Variants in PTK2 observed in about 807,000 individuals in gnomAD.
The protein encoded by PTK2 is protein tyrosine kinase 2, also known as focal adhesion kinase 1.
Under a neutral mutation model 150.1 loss-of-function variants are expected in PTK2, and 45 were observed. The ratio of observed to expected loss-of-function variants is 0.30; its 90% CI spans 0.24 to 0.38. The LOEUF (loss-of-function observed/expected upper bound fraction) is 0.38. PTK2 is among the 10% of genes least tolerant of loss of function. The pLI, the probability that PTK2 is intolerant of heterozygous loss-of-function variation, is 1.00. For synonymous variants in PTK2, 432 were observed against 449.2 expected, an observed-to-expected ratio of 0.96 and a Z score of 0.48; for missense variants, 919 against 1,307.3, an observed-to-expected ratio of 0.70 and a Z score of 4.58.
At chr8:140,868,517 A>T (rs1255564852) in intron 4 of PTK2, among the ~76,000 whole-genome samples, 4 of 152,156 alleles carry the variant, frequency 2.6e-5, no homozygotes, top group Admixed American at 2.6e-4. Context: ...TTAATTATAA[A>T]GGGGAAACAG....
In PTK2 at chr8:140,786,257, C is replaced by T. The variant is rs536775925; in HGVS notation, c.1177+3217G>A. 2.0e-5 allele frequency among the ~76,000 whole-genome samples: 3 copies of T among 152,224 alleles called. No homozygotes were observed. In the East Asian group the frequency reaches 5.8e-4, roughly 29 times the overall value. Reference sequence around the variant, plus strand: ...GGCATACAGTTGACTGCAGCCTCACCCCACTATCCTAGACACTGAACACGC... The same window carrying T: ...GGCATACAGTTGACTGCAGCCTCACTCCACTATCCTAGACACTGAACACGC... On this transcript the variant is annotated intron_variant, in intron 14 of 31. Transcript: ENST00000522684.
intron 31 of PTK2, chr8:140,663,159 G>A (rs1269171321): frequency 1.2e-5 from 2 of 162,948 alleles, no homozygotes; most frequent in African/African-American, 4.8e-5. Flanking sequence ...AATATAAATG[G>A]AAATCTTAAA....
chr8:140,723,683 T>C (rs568973999), intron 22 of PTK2, among the ~76,000 whole-genome samples: 40 of 152,354 alleles, frequency 2.6e-4, no homozygotes, highest in Non-Finnish European at 2.1e-4. Context: ...TGAGCCCTCA[T>C]GTTTTTTCCC....
At chr8:140,895,233 A>C (rs1169430863) in intron 2 of PTK2, among the ~76,000 whole-genome samples, 1 of 152,212 alleles carries the variant, frequency 6.6e-6, no homozygotes, top group African/African-American at 2.4e-5. Context: ...CTTAGAGTAA[A>C]ATCTATACAT....
intron 1 of PTK2, among the ~76,000 whole-genome samples, chr8:140,982,124 T>C (rs1345946467): frequency 6.7e-6 from 1 of 149,690 alleles, no homozygotes; most frequent in Non-Finnish European, 1.5e-5. Context: ...ATCAGGAACA[T>C]TAAACCAATA....
chr8:140,752,135 A>G (rs1217578429), intron 17 of PTK2, 97 bp downstream of exon 20: 3 of 1,061,778 alleles, frequency 2.8e-6, no homozygotes, highest in Admixed American at 2.0e-5. Flanking sequence ...TTGTCTCCTA[A>G]AAGTCAAAAC....
intron 10 of PTK2, among the ~76,000 whole-genome samples, chr8:140,806,957 T>C (rs1555096859): frequency 6.6e-6 from 1 of 152,216 alleles, no homozygotes; most frequent in Non-Finnish European, 1.5e-5. Context: ...TTTAGCACAA[T>C]CCCATTATTT....
intron 2 of PTK2, among the ~76,000 whole-genome samples, chr8:140,903,812 A>G (rs1180604773): frequency 6.6e-6 from 1 of 152,268 alleles, no homozygotes; most frequent in African/African-American, 2.4e-5. Context: ...TTATTGGTGT[A>G]TAGGAATGCT....
intron 1 of PTK2, among the ~76,000 whole-genome samples, chr8:140,998,833 A>C (rs911837495): frequency 8.5e-5 from 13 of 152,170 alleles, no homozygotes; most frequent in East Asian, 7.7e-4. Context: ...AAAAAAAAAA[A>C]AAAACTATTT....
chr8:140,671,933 G>A (rs1256540582), intron 29 of PTK2, among the ~76,000 whole-genome samples: 1 of 117,380 alleles, frequency 8.5e-6, no homozygotes, highest in Non-Finnish European at 1.7e-5. Flanking sequence ...CTCTGTCTCA[G>A]GGGGGCGGGG....
chr8:140,672,197 C>T, intron 29 of PTK2: 1 of 447,740 alleles, frequency 2.2e-6, no homozygotes, highest in South Asian at 1.6e-5. Context: ...ATTCTGTCCC[C>T]TTTTCTTTTT....
chr8:140,659,690 G>A lies in PTK2; in HGVS notation c.2947-12C>T, dbSNP rs1296669233. 1 of 1,607,834 alleles carries A rather than the reference G, an allele frequency of 6.2e-7. No individual in the cohort carries two copies. Among genetic ancestry groups the A allele is most frequent in the Admixed American group, 1.7e-5 (1 of 59,784 alleles). On this transcript the variant is annotated splice_polypyrimidine_tract_variant and intron_variant, in intron 31 of 31. Transcript: ENST00000522684. ...TGTGCCATCTCAATCTGAAAGACAAGAGATAGGTCAGGAGAACTGTTTTCA... is the reference window on the plus strand; with the variant it reads ...TGTGCCATCTCAATCTGAAAGACAAAAGATAGGTCAGGAGAACTGTTTTCA...
chr8:140,832,755 C>G (rs527622031), intron 7 of PTK2: 10 of 502,418 alleles, frequency 2.0e-5, no homozygotes, highest in South Asian at 1.1e-4. Context: ...GCACCGAGAA[C>G]AGAAAGGTGG....
chr8:140,830,865 A>G (rs1446985418), intron 7 of PTK2, among the ~76,000 whole-genome samples: 1 of 152,078 alleles, frequency 6.6e-6, no homozygotes, highest in Non-Finnish European at 1.5e-5. Flanking sequence ...ATATTTCTTG[A>G]AGGTTATAAA....
chr8:140,959,257 G>A (rs939131498), intron 1 of PTK2, among the ~76,000 whole-genome samples: 12 of 151,948 alleles, frequency 7.9e-5, no homozygotes, highest in South Asian at 4.1e-4. Flanking sequence ...TAGGCCGGGC[G>A]CAGTGGCTCA....
intron 20 of PTK2, among the ~76,000 whole-genome samples, chr8:140,739,637 T>C (rs566633505): frequency 8.2e-4 from 125 of 152,322 alleles, no homozygotes; most frequent in African/African-American, 2.2e-3. Context: ...AAACAACTCA[T>C]TCTGATAGGT....
chr8:140,880,005 A>G (rs1279067317), intron 3 of PTK2, among the ~76,000 whole-genome samples: 7 of 152,190 alleles, frequency 4.6e-5, no homozygotes, highest in Non-Finnish European at 1.5e-5. Context: ...TTCAGTTACT[A>G]CTTTCTAAGG....
chr8:140,830,286 G>C (rs1034252716), intron 8 of PTK2, among the ~76,000 whole-genome samples, 186 bp downstream of exon 8: 3 of 152,166 alleles, frequency 2.0e-5, no homozygotes, highest in Non-Finnish European at 4.4e-5. Context: ...ATGTTTTATG[G>C]GAGAAAGCTA....
At chr8:140,915,655 G>T (rs1391350483) in intron 2 of PTK2, among the ~76,000 whole-genome samples, 2 of 152,098 alleles carry the variant, frequency 1.3e-5, no homozygotes, top group African/African-American at 4.8e-5. Context: ...CCAGCACTTT[G>T]GGAGGCCAAG....
Sources: allele counts gnomAD v4.1 joint callset (sites outside exome capture counted in the v4.1 genomes callset), GRCh38; gene constraint gnomAD v4.1.1; transcripts MANE v1.5; gene names NCBI Gene and HGNC (gene_info 2026-07-23, HGNC 2026-07-21).